Variants in SCAPER observed in about 807,000 individuals in gnomAD.
SCAPER encodes the protein S phase cyclin A-associated protein in the endoplasmic reticulum.
In SCAPER, 98 loss-of-function variants were observed where a neutral mutation model predicts 182.2. The observed-to-expected ratio is 0.54, with a 90% CI of 0.46 to 0.64. The LOEUF (loss-of-function observed/expected upper bound fraction) is 0.64. SCAPER is among the 30% of genes least tolerant of loss of function. The pLI, the probability that SCAPER is intolerant of heterozygous loss-of-function variation, is 0.00. For synonymous variants in SCAPER, 605 were observed against 564.6 expected (o/e 1.07, Z -1.01); for missense variants, 1,432 against 1,690.0 (o/e 0.85, Z 2.68).
At chr15:76,825,944 C>A (rs1445096430) in intron 5 of SCAPER, among the ~76,000 whole-genome samples, 5 of 152,106 alleles carry the variant, frequency 3.3e-5, no homozygotes, top group African/African-American at 4.8e-5. Context: ...GGGGTTTCAC[C>A]ATATTGGTCA....
chr15:76,680,091 A>G (rs1465071315), intron 20 of SCAPER, among the ~76,000 whole-genome samples: 1 of 152,128 alleles, frequency 6.6e-6, no homozygotes, highest in Non-Finnish European at 1.5e-5. Context: ...AATAACATCA[A>G]TCTTTCAAAC....
At chr15:76,589,976 G>T (rs1013419722) in intron 22 of SCAPER, among the ~76,000 whole-genome samples, 57 of 152,176 alleles carry the variant, frequency 3.7e-4, no homozygotes, top group African/African-American at 1.1e-3. Flanking sequence ...TGTGTTTGGG[G>T]GTGGACCATC....
chr15:76,466,821 T>C (rs544214315), intron 25 of SCAPER, among the ~76,000 whole-genome samples: 1 of 152,170 alleles, frequency 6.6e-6, no homozygotes, highest in East Asian at 1.9e-4. Context: ...CTAGAGATGC[T>C]TGCTGCTTTC....
intron 23 of SCAPER, among the ~76,000 whole-genome samples, chr15:76,516,485 T>G (rs975989870): frequency 6.6e-6 from 1 of 152,100 alleles, no homozygotes; most frequent in Non-Finnish European, 1.5e-5. Context: ...GTTATTGTGT[T>G]ACTTTGCTGA....
chr15:76,596,587 C>A lies in SCAPER; in HGVS notation c.2712-22303G>T. Among the ~76,000 whole-genome samples the A allele has an allele frequency of 1.6e-5, 2 of 121,242 alleles. 1 individual carries two copies. The highest frequency in any genetic ancestry group is 4.0e-5 in the Non-Finnish European group (2 of 49,968). 79.5% of individuals were successfully genotyped at this position (121,242 alleles called of 152,430 possible). On this transcript the variant is annotated intron_variant, in intron 22 of 31. Transcript: ENST00000563290. ...TCAATAAAATACTGGCAAACCAAATCTGGCAGCACATTAAAAAGCTTATCT... is the reference window on the plus strand; with the variant it reads ...TCAATAAAATACTGGCAAACCAAATATGGCAGCACATTAAAAAGCTTATCT...
intron 24 of SCAPER, among the ~76,000 whole-genome samples, chr15:76,481,759 C>A (rs1030409024): frequency 9.2e-5 from 14 of 152,186 alleles, no homozygotes; most frequent in Admixed American, 6.5e-5. Flanking sequence ...GCTTTTATCA[C>A]CTAAGTGTGT....
chr15:76,493,391 T>C (rs549215181), intron 24 of SCAPER, among the ~76,000 whole-genome samples: 1 of 152,222 alleles, frequency 6.6e-6, no homozygotes, highest in Non-Finnish European at 1.5e-5. Context: ...CTGGTCCTAA[T>C]AGAATAGGCA....
intron 2 of SCAPER, among the ~76,000 whole-genome samples, chr15:76,880,808 AT>A (rs1454322949): frequency 6.6e-6 from 1 of 152,172 alleles, no homozygotes; most frequent in African/African-American, 2.4e-5. Context: ...AAATGTATAC[AT>A]TCATTTTGAA....
chr15:76,451,042 A>G (rs916370290), intron 25 of SCAPER, among the ~76,000 whole-genome samples: 4 of 152,254 alleles, frequency 2.6e-5, no homozygotes, highest in African/African-American at 7.2e-5. Context: ...CCCTGTGGGC[A>G]TAGGCAATCA....
chr15:76,627,577 G>A (rs1351707543), intron 21 of SCAPER, among the ~76,000 whole-genome samples: 1 of 152,104 alleles, frequency 6.6e-6, no homozygotes, highest in African/African-American at 2.4e-5. Context: ...GTTTGCTGAG[G>A]ATAATAGCTT....
At chr15:76,472,180 C>G (rs955948290) in intron 24 of SCAPER, 2 of 476,338 alleles carry the variant, frequency 4.2e-6, no homozygotes, top group Non-Finnish European at 8.1e-6. Context: ...GTAAGGTTGT[C>G]TGCTTAACCT....
At chr15:76,479,923 C>G (rs1013092968) in intron 24 of SCAPER, among the ~76,000 whole-genome samples, 1 of 152,114 alleles carries the variant, frequency 6.6e-6, no homozygotes, top group Non-Finnish European at 1.5e-5. Context: ...AAATTCTGTG[C>G]CAAGTAGGGA....
At chr15:76,835,933 C>CAAAAAAAAAAAAA (rs35242954) in intron 5 of SCAPER, among the ~76,000 whole-genome samples, 1 of 94,298 alleles carries the variant, frequency 1.1e-5, no homozygotes, top group Non-Finnish European at 2.0e-5. Context: ...ACATTAGCCA[C>CAAAAAAAAAAAAA]AAAAAAAAAA....
chr15:76,843,592 T>C (rs1298884538), intron 4 of SCAPER, among the ~76,000 whole-genome samples: 2 of 152,100 alleles, frequency 1.3e-5, no homozygotes, highest in African/African-American at 2.4e-5. Flanking sequence ...AATAAGCTTG[T>C]AGAAAAAATG....
intron 14 of SCAPER, among the ~76,000 whole-genome samples, chr15:76,764,638 G>A (rs567489287): frequency 6.6e-6 from 1 of 152,336 alleles, no homozygotes; most frequent in South Asian, 2.1e-4. Context: ...ACTACAAACT[G>A]ATAGTCTTAG....
At chr15:76,600,453 ATTT>A (rs57171362) in intron 22 of SCAPER, among the ~76,000 whole-genome samples, 2 of 70,394 alleles carry the variant, frequency 2.8e-5, no homozygotes, top group Admixed American at 1.8e-4. Context: ...ATATATATAT[ATTT>A]TTTTTTTTTT....
Position 76,649,458 on chromosome 15 carries a change from A to C in SCAPER, c.2645+16195T>G, listed in dbSNP as rs1162620851. On this transcript the variant is annotated intron_variant, in intron 21 of 31. Transcript: ENST00000563290. Reference sequence around the variant, plus strand: ...TCCCCACCACCACCCCCAAAAAAAAACAGCAACAACAAACAAATCAGAAAA... The same window carrying C: ...TCCCCACCACCACCCCCAAAAAAAACCAGCAACAACAAACAAATCAGAAAA... Among the ~76,000 whole-genome samples, 4 of 152,054 alleles carry C rather than the reference A, an allele frequency of 2.6e-5. No homozygotes were observed. In the South Asian group the frequency reaches 6.2e-4, roughly 24 times the overall value.
intron 25 of SCAPER, among the ~76,000 whole-genome samples, chr15:76,453,996 T>G (rs1207292681): frequency 1.3e-5 from 2 of 152,196 alleles, no homozygotes; most frequent in African/African-American, 2.4e-5. Flanking sequence ...ATTTGAAACC[T>G]GAGAGACAAG....
At chr15:76,613,811 G>T (rs1451117171) in intron 22 of SCAPER, among the ~76,000 whole-genome samples, 1 of 152,222 alleles carries the variant, frequency 6.6e-6, no homozygotes, top group East Asian at 1.9e-4. Flanking sequence ...CTGTTGGTGG[G>T]AGTGTAAATT....
Sources: gnomAD v4.1 joint callset for allele counts (sites outside exome capture counted in the v4.1 genomes callset) on GRCh38, gnomAD v4.1.1 for gene constraint, MANE v1.5 for transcripts, NCBI Gene and HGNC (gene_info 2026-07-23, HGNC 2026-07-21) for gene names.